EBF1: variants seen among roughly 807,000 people sequenced by gnomAD.
The protein encoded by EBF1 is transcription factor COE1.
A neutral mutation model predicts 68.4 loss-of-function variants in EBF1; 10 were observed. That is an observed-to-expected ratio of 0.15 (90% CI 0.09 to 0.25). The LOEUF is 0.25. Among genes scored for constraint, EBF1 ranks in the 10% least tolerant of loss-of-function variants. The pLI is 1.00. For synonymous variants in EBF1, 298 were observed against 299.8 expected (o/e 0.99, Z 0.06); for missense variants, 509 against 794.4 (o/e 0.64, Z 4.32).
intron 6 of EBF1, among the ~76,000 whole-genome samples, chr5:158,849,747 T>A (rs1792257624): frequency 6.6e-6 from 1 of 152,242 alleles, no homozygotes; most frequent in African/African-American, 2.4e-5. Flanking sequence ...TTCTTTCTTC[T>A]ATATTTTCTG....
At chr5:158,776,848 G>T (rs556513309) in intron 10 of EBF1, among the ~76,000 whole-genome samples, 1 of 152,304 alleles carries the variant, frequency 6.6e-6, no homozygotes, top group South Asian at 2.1e-4. Context: ...CAGAGATGCT[G>T]CCTGGTTCTC....
intron 6 of EBF1, among the ~76,000 whole-genome samples, chr5:158,997,934 T>C (rs749818534): frequency 3.9e-5 from 6 of 152,178 alleles, no homozygotes; most frequent in Non-Finnish European, 1.5e-5. Flanking sequence ...TTTATACCTT[T>C]GCATATGTTG....
At chr5:159,062,450 T>C (rs1776039072) in intron 6 of EBF1, among the ~76,000 whole-genome samples, 1 of 136,406 alleles carries the variant, frequency 7.3e-6, no homozygotes, top group African/African-American at 2.9e-5. Context: ...ACCAGGCACA[T>C]GATGGGATTG....
intron 9 of EBF1, among the ~76,000 whole-genome samples, chr5:158,787,782 AAAGGCATC>A (rs1329676673): frequency 6.6e-6 from 1 of 152,228 alleles, no homozygotes; most frequent in South Asian, 2.1e-4. Context: ...AAGTGTAGGA[AAAGGCATC>A]ACTTGTATCA....
chr5:158,772,352 A>T (rs899303062), intron 10 of EBF1, among the ~76,000 whole-genome samples: 9 of 152,092 alleles, frequency 5.9e-5, no homozygotes, highest in African/African-American at 9.7e-5. Flanking sequence ...CTGGAGTTGA[A>T]GCTGATTATA....
At chr5:158,951,785 T>C (rs1816060295) in intron 6 of EBF1, among the ~76,000 whole-genome samples, 1 of 151,966 alleles carries the variant, frequency 6.6e-6, no homozygotes. Flanking sequence ...CTACGAAGAG[T>C]ATCCCTGACT....
intron 15 of EBF1, among the ~76,000 whole-genome samples, chr5:158,700,441 T>C (rs938611893): frequency 7.9e-5 from 12 of 151,734 alleles, no homozygotes; most frequent in African/African-American, 2.9e-4. Context: ...AATTAATTAG[T>C]GTTCTTGTCA....
intron 6 of EBF1, among the ~76,000 whole-genome samples, chr5:158,918,804 A>C (rs1313621964): frequency 6.6e-6 from 1 of 152,250 alleles, no homozygotes; most frequent in Non-Finnish European, 1.5e-5. Flanking sequence ...AAGGCATACC[A>C]AAATTAGGGC....
chr5:158,978,928 G>A (rs374262410), intron 6 of EBF1, among the ~76,000 whole-genome samples: 2 of 151,754 alleles, frequency 1.3e-5, no homozygotes, highest in South Asian at 4.2e-4. Flanking sequence ...TTCTCCATTC[G>A]GTGTAGAAGA....
At chr5:159,062,836 T>G (rs1776108314) in intron 6 of EBF1, among the ~76,000 whole-genome samples, 1 of 152,256 alleles carries the variant, frequency 6.6e-6, no homozygotes, top group African/African-American at 2.4e-5. Flanking sequence ...TTTGTGAGAA[T>G]GTCAACAGCA....
intron 6 of EBF1, among the ~76,000 whole-genome samples, chr5:158,924,468 T>C (rs1343186716): frequency 6.6e-6 from 1 of 152,138 alleles, no homozygotes; most frequent in Non-Finnish European, 1.5e-5. Flanking sequence ...CAAATCCTTC[T>C]CTCCCCACAC....
At chr5:159,034,034 T>A (rs1421377359) in intron 6 of EBF1, among the ~76,000 whole-genome samples, 3 of 152,200 alleles carry the variant, frequency 2.0e-5, no homozygotes, top group African/African-American at 7.2e-5. Flanking sequence ...CAGGCTTGCA[T>A]CTATATTTCA....
intron 6 of EBF1, among the ~76,000 whole-genome samples, chr5:158,876,086 G>A (rs182128920): frequency 1.3e-3 from 195 of 152,206 alleles, no homozygotes; most frequent in Middle Eastern, 0.01. Flanking sequence ...AAGTTTAGAG[G>A]CCAAAAAACT....
At chr5:159,087,343 C>CAT (rs536621878) in intron 4 of EBF1, among the ~76,000 whole-genome samples, 5 of 135,608 alleles carry the variant, frequency 3.7e-5, no homozygotes, top group South Asian at 2.3e-4. Context: ...TATACACACA[C>CAT]ATATATATAT....
In EBF1 at chr5:158,959,544, G is replaced by A. The variant is rs200861826; in HGVS notation, c.554+113852C>T. Among the ~76,000 whole-genome samples the A allele has an allele frequency of 5.1e-4, 78 of 152,036 alleles. 1 individual carries two copies. In the East Asian group the frequency reaches 9.9e-3, roughly 19 times the overall value. On this transcript the variant is annotated intron_variant, in intron 6 of 15. Coordinates refer to ENST00000313708, the MANE Select transcript of EBF1 (RefSeq NM_024007.5). ...TGACCTCAGGCAATCTGTCTGCCTC[G>A]GCCTCCCAAAGTGCTGGGATTACCG...
intron 6 of EBF1, among the ~76,000 whole-genome samples, chr5:158,851,709 T>G (rs1295461096): frequency 3.1e-3 from 149 of 47,436 alleles, no homozygotes; most frequent in Non-Finnish European, 3.8e-3. Flanking sequence ...AAGGAAAGGG[T>G]AGAAGGGAAG....
At chr5:159,058,014 G>C (rs556711975) in intron 6 of EBF1, among the ~76,000 whole-genome samples, 1 of 152,174 alleles carries the variant, frequency 6.6e-6, no homozygotes, top group African/African-American at 2.4e-5. Context: ...CCTAAGTTTT[G>C]TATGTCTTGG....
intron 6 of EBF1, among the ~76,000 whole-genome samples, chr5:158,977,236 A>C (rs1756954731): frequency 1.3e-5 from 2 of 152,214 alleles, no homozygotes; most frequent in Non-Finnish European, 2.9e-5. Context: ...ACAGACAAGC[A>C]AGCAAAACTA....
chr5:158,854,208 G>C (rs1352737876), intron 6 of EBF1, among the ~76,000 whole-genome samples: 2 of 152,216 alleles, frequency 1.3e-5, no homozygotes, highest in Admixed American at 6.5e-5. Flanking sequence ...TCATTTGTCT[G>C]CAAGACTAGG....
Sources: gnomAD v4.1 joint callset for allele counts (sites outside exome capture counted in the v4.1 genomes callset) on GRCh38, gnomAD v4.1.1 for gene constraint, MANE v1.5 for transcripts, NCBI Gene and HGNC (gene_info 2026-07-23, HGNC 2026-07-21) for gene names.